PAQR5: variants seen among roughly 807,000 people sequenced by gnomAD.
The protein encoded by PAQR5 is progestin and adipoQ receptor family member 5.
Under a neutral mutation model 34.5 loss-of-function variants are expected in PAQR5, and 20 were observed. The ratio of observed to expected loss-of-function variants is 0.58; its 90% CI spans 0.41 to 0.84. PAQR5 has a LOEUF of 0.84. PAQR5 is among the 40% of genes least tolerant of loss of function. The pLI, the probability that PAQR5 is intolerant of heterozygous loss-of-function variation, is 0.00. For missense variants in PAQR5, 378 were observed against 412.7 expected (o/e 0.92, Z 0.73); for synonymous variants, 131 against 155.6 (o/e 0.84, Z 1.18).
At chr15:69,333,023 C>A (rs944737370) in intron 1 of PAQR5, among the ~76,000 whole-genome samples, 1 of 152,050 alleles carries the variant, frequency 6.6e-6, no homozygotes. Context: ...AGTGGATAAA[C>A]AAGCAATAGG....
In PAQR5 at chr15:69,405,925, C is replaced by A. The variant is rs185591339; in HGVS notation, c.*2103C>A. ...GACAGTGTTATAAATCAGAATTTTACGACAGTTTGCAGAACACTGATTTGA... is the reference window on the plus strand; with the variant it reads ...GACAGTGTTATAAATCAGAATTTTAAGACAGTTTGCAGAACACTGATTTGA... On this transcript the variant is annotated 3_prime_UTR_variant, in exon 9 of 9. Transcript: ENST00000395407. 6.6e-6 allele frequency: 1 copy of A among 152,222 alleles called. No homozygotes were observed. The highest frequency in any genetic ancestry group is 1.5e-5 in the Non-Finnish European group (1 of 68,030). 9.4% of individuals were successfully genotyped at this position (152,222 alleles called of 1,614,324 possible). A position where few individuals can be genotyped will look rare whatever the true frequency, so the allele number is the denominator to read the frequency against.
At chr15:69,364,048 G>A (rs909824827) in intron 3 of PAQR5, among the ~76,000 whole-genome samples, 8 of 152,140 alleles carry the variant, frequency 5.3e-5, no homozygotes, top group African/African-American at 1.7e-4. Flanking sequence ...CTTAGTCTCA[G>A]TGTTCTTATC....
intron 3 of PAQR5, among the ~76,000 whole-genome samples, chr15:69,363,419 C>T (rs555971163): frequency 6.6e-6 from 1 of 152,002 alleles, no homozygotes; most frequent in East Asian, 1.9e-4. Context: ...TTGATTCTTA[C>T]ACAGACCCCT....
intron 1 of PAQR5, among the ~76,000 whole-genome samples, chr15:69,325,450 C>T (rs1307538010): frequency 3.2e-5 from 3 of 92,810 alleles, no homozygotes; most frequent in East Asian, 6.0e-4. Context: ...TTAGATGTGC[C>T]GCGTGGCAAT....
Position 69,403,741 on chromosome 15 carries a change from C to T in PAQR5, c.912C>T (p.Ile304=). 1 of 1,614,166 alleles carries T rather than the reference C, an allele frequency of 6.2e-7. No homozygotes were observed. The highest frequency in any genetic ancestry group is 1.1e-5 in the South Asian group (1 of 91,078). ...QIAGAILLCI[I]FSLSNIIYFS... ...CTGGAGCCATACTTCTGTGCATCATCTTCAGCCTCAGCAACATAATTTATT... is the reference window on the plus strand; with the variant it reads ...CTGGAGCCATACTTCTGTGCATCATTTTCAGCCTCAGCAACATAATTTATT... The change falls in exon 9 of 9, where the codon ATC becomes ATT. Residue 304 remains isoleucine (I), a synonymous_variant. Coordinates refer to ENST00000395407, the MANE Select transcript of PAQR5 (RefSeq NM_017705.4).
intron 2 of PAQR5, among the ~76,000 whole-genome samples, chr15:69,349,960 G>A (rs1595883027): frequency 6.6e-6 from 1 of 152,136 alleles, no homozygotes; most frequent in South Asian, 2.1e-4. Flanking sequence ...GTTTCAAGCA[G>A]AGGAAGGGAT....
At chr15:69,373,059 C>T (rs2055606375) in intron 3 of PAQR5, among the ~76,000 whole-genome samples, 1 of 152,124 alleles carries the variant, frequency 6.6e-6, no homozygotes, top group African/African-American at 2.4e-5. Flanking sequence ...TGGCTCCTGG[C>T]CCCTTCCTCC....
In PAQR5 at chr15:69,404,076, T is replaced by C; in HGVS notation, c.*254T>C. 1 of 404,852 alleles carries C rather than the reference T, an allele frequency of 2.5e-6. No homozygotes were observed. Among genetic ancestry groups the C allele is most frequent in the Non-Finnish European group, 4.4e-6 (1 of 226,952 alleles). 25.1% of individuals were successfully genotyped at this position (404,852 alleles called of 1,614,324 possible). On this transcript the variant is annotated 3_prime_UTR_variant, in exon 9 of 9. Transcript: ENST00000395407. Reference sequence around the variant, plus strand: ...GTTAAGGCAAACTATTGATATTTCATTAATTTTAAATTTACTTAAAATGTG... The same window carrying C: ...GTTAAGGCAAACTATTGATATTTCACTAATTTTAAATTTACTTAAAATGTG...
intron 1 of PAQR5, among the ~76,000 whole-genome samples, chr15:69,320,498 C>G (rs1025022998): frequency 6.6e-6 from 1 of 151,988 alleles, no homozygotes; most frequent in South Asian, 2.1e-4. Flanking sequence ...ATTGCATGCT[C>G]GGGTAAGATC....
intron 3 of PAQR5, among the ~76,000 whole-genome samples, chr15:69,370,510 T>C (rs1263920241): frequency 6.6e-6 from 1 of 152,168 alleles, no homozygotes; most frequent in Admixed American, 6.5e-5. Flanking sequence ...CTTTATTTTA[T>C]TATTTACTTA....
chr15:69,387,986 C>T (rs2056158888), intron 5 of PAQR5, among the ~76,000 whole-genome samples: 1 of 152,198 alleles, frequency 6.6e-6, no homozygotes, highest in Non-Finnish European at 1.5e-5. Flanking sequence ...AACTCCGGAG[C>T]ACAGAAGATG....
At position 69,394,584 on chromosome 15, in the gene PAQR5, G is replaced by A. The variant is rs536937971; in HGVS notation, c.513-2884G>A. ...CTTTTTTGTCAGATTGTGTTGAATC[G>A]ACCCTTTCTTAACGAAGGCTTCTCC... On this transcript the variant is annotated intron_variant, in intron 6 of 8. Coordinates refer to ENST00000395407, the MANE Select transcript of PAQR5 (RefSeq NM_017705.4). Among the ~76,000 whole-genome samples the A allele has an allele frequency of 1.1e-4, 16 of 152,268 alleles. No individual in the cohort carries two copies. The East Asian group carries it at 2.3e-3, about 22-fold the overall frequency.
At chr15:69,316,706 C>T (rs1195815736) in intron 1 of PAQR5, among the ~76,000 whole-genome samples, 1 of 152,210 alleles carries the variant, frequency 6.6e-6, no homozygotes, top group Admixed American at 6.5e-5. Context: ...ATGGGGCTTA[C>T]ACTTACTAAT....
intron 1 of PAQR5, among the ~76,000 whole-genome samples, chr15:69,316,891 C>G (rs1173130802): frequency 6.6e-6 from 1 of 152,184 alleles, no homozygotes; most frequent in Non-Finnish European, 1.5e-5. Flanking sequence ...GGGATTTTGG[C>G]TCACTGCAAC....
intron 7 of PAQR5, among the ~76,000 whole-genome samples, chr15:69,398,603 C>A (rs980732854): frequency 4.6e-5 from 7 of 151,942 alleles, no homozygotes; most frequent in Admixed American, 3.9e-4. Flanking sequence ...TGAGCTCCAC[C>A]CAGCAGCTGG....
At chr15:69,352,819 T>C (rs2054958016) in intron 2 of PAQR5, among the ~76,000 whole-genome samples, 1 of 152,208 alleles carries the variant, frequency 6.6e-6, no homozygotes, top group Non-Finnish European at 1.5e-5. Context: ...GTCAGGAATA[T>C]GGAAGAAACA....
chr15:69,393,871 G>A (rs1445445238), intron 6 of PAQR5, among the ~76,000 whole-genome samples: 7 of 152,086 alleles, frequency 4.6e-5, no homozygotes. Context: ...TGGTTCAAAT[G>A]AAAATGTTCC....
chr15:69,354,809 G>A (rs2055013575), intron 2 of PAQR5, among the ~76,000 whole-genome samples: 1 of 152,166 alleles, frequency 6.6e-6, no homozygotes, highest in South Asian at 2.1e-4. Context: ...CTCAGTGTGG[G>A]CAGACACCAT....
rs940834543 is a variant in PAQR5, at chr15:69,322,276, G to T, written c.-276-15065G>T. ...GCAGATCACCTGAGGTCAGGAGTTCGAGACCAGCCTGGCCATCCATGGCTA... is the reference window on the plus strand; with the variant it reads ...GCAGATCACCTGAGGTCAGGAGTTCTAGACCAGCCTGGCCATCCATGGCTA... On this transcript the variant is annotated intron_variant, in intron 1 of 8. Coordinates refer to ENST00000395407, the MANE Select transcript of PAQR5 (RefSeq NM_017705.4). Among the ~76,000 whole-genome samples the T allele has an allele frequency of 2.7e-5, 4 of 149,870 alleles. 1 individual carries two copies. The highest frequency in any genetic ancestry group is 6.8e-3 in the Middle Eastern group (2 of 292).
Sources: allele counts gnomAD v4.1 joint callset (sites outside exome capture counted in the v4.1 genomes callset), GRCh38; gene constraint gnomAD v4.1.1; transcripts MANE v1.5; gene names NCBI Gene and HGNC (gene_info 2026-07-23, HGNC 2026-07-21).